SKIL: variants seen among roughly 807,000 people sequenced by gnomAD.
SKIL encodes ski-like protein.
In SKIL, 20 loss-of-function variants were observed where a neutral mutation model predicts 69.6. That is an observed-to-expected ratio of 0.29 (90% confidence interval 0.20 to 0.42). The LOEUF (loss-of-function observed/expected upper bound fraction) is 0.42. SKIL is among the 10% of genes least tolerant of loss of function. The probability of loss-of-function intolerance (pLI) is 1.00; values close to 1 mark genes in which losing one functional copy is unlikely to be tolerated. For missense variants in SKIL, 745 were observed against 783.1 expected, an observed-to-expected ratio of 0.95 and a Z score of 0.58; for synonymous variants, 310 against 279.9, an observed-to-expected ratio of 1.11 and a Z score of -1.08.
rs749615295 is a variant in SKIL at position 170,377,542 on chromosome 3, CTTTTTTT to C, written c.1099-3684_1099-3678del. Among the ~76,000 whole-genome samples the C allele has an allele frequency of 5.1e-3, 391 of 77,290 alleles. 2 individuals carry two copies. The highest frequency in any genetic ancestry group is 0.03 in the Admixed American group (158 of 5,348). 50.7% of individuals were successfully genotyped at this position (77,290 alleles called of 152,430 possible). The stretch of plus-strand genomic sequence containing the variant: ...ATTTCAAATTCATTGCTCAATAATT[CTTTTTTT>C]TTTTTTTTTTTTTTTTTGAGACAGA... On this transcript the variant is annotated intron_variant, in intron 2 of 6. Transcript: ENST00000259119.
chr3:170,388,264 A>G (rs1737748373), intron 4 of SKIL, among the ~76,000 whole-genome samples: 1 of 152,102 alleles, frequency 6.6e-6, no homozygotes, highest in Non-Finnish European at 1.5e-5. Flanking sequence ...GAATGATGAT[A>G]TTGAGTATCT....
intron 4 of SKIL, chr3:170,385,016 C>T (rs536248530): frequency 3.7e-5 from 10 of 267,286 alleles, no homozygotes; most frequent in South Asian, 9.2e-5. Flanking sequence ...TATTTTTGTC[C>T]GAATTTTTTT....
intron 3 of SKIL, among the ~76,000 whole-genome samples, chr3:170,382,711 A>C (rs1737420081): frequency 7.5e-6 from 1 of 133,030 alleles, no homozygotes; most frequent in East Asian, 2.3e-4. Context: ...CCCGAGCCGC[A>C]ACTTCAATTT....
rs376902100 is a variant in SKIL, at chr3:170,366,696, G to GACACAC, written c.1098+5281_1098+5286dup. 9.4e-3 allele frequency among the ~76,000 whole-genome samples: 1,393 copies of GACACAC among 147,672 alleles called. 21 individuals carry two copies. The highest frequency in any genetic ancestry group is 0.034 in the Middle Eastern group (10 of 290). On this transcript the variant is annotated intron_variant, in intron 2 of 6. Coordinates refer to ENST00000259119, the MANE Select transcript of SKIL (RefSeq NM_005414.5). ...AAACACACACACACACACACACACA[G>GACACAC]ACACACACACACACACACATACTTG...
chr3:170,389,009 A>C (rs935181032), intron 4 of SKIL, among the ~76,000 whole-genome samples: 10 of 152,002 alleles, frequency 6.6e-5, no homozygotes, highest in Admixed American at 5.9e-4. Flanking sequence ...AGCTGGGATT[A>C]CAGGTGCGCG....
At chr3:170,371,991 C>G (rs1263604269) in intron 2 of SKIL, among the ~76,000 whole-genome samples, 1 of 152,126 alleles carries the variant, frequency 6.6e-6, no homozygotes, top group East Asian at 1.9e-4. Flanking sequence ...AATTGTTAAG[C>G]ATATATGCTA....
chr3:170,388,787 A>AT (rs769210099), intron 4 of SKIL, among the ~76,000 whole-genome samples: 53 of 151,752 alleles, frequency 3.5e-4, no homozygotes, highest in Non-Finnish European at 6.5e-4. Flanking sequence ...CAATTTATCT[A>AT]TTTTTTTCTT....
chr3:170,370,010 C>T (rs1011738584), intron 2 of SKIL, among the ~76,000 whole-genome samples: 2 of 151,712 alleles, frequency 1.3e-5, no homozygotes, highest in Non-Finnish European at 2.9e-5. Flanking sequence ...GAGGCTGAGA[C>T]GGGCGGATCA....
At chr3:170,364,564 C>T (rs1736411646) in intron 2 of SKIL, among the ~76,000 whole-genome samples, 1 of 151,816 alleles carries the variant, frequency 6.6e-6, no homozygotes, top group East Asian at 1.9e-4. Flanking sequence ...TGAGGTGATC[C>T]GACCTCCTCG....
rs61023992 is a variant in SKIL at position 170,382,279 on chromosome 3, A to G, written c.1196+938A>G. On this transcript the variant is annotated intron_variant, in intron 3 of 6. Coordinates refer to ENST00000259119, the MANE Select transcript of SKIL (RefSeq NM_005414.5). ...CTGAATATTTGAAATAACCTTTACT[A>G]TGTGTTTCTATGTGTTTTCTAGAAA... Among the ~76,000 whole-genome samples, 367 of 152,162 alleles carry G rather than the reference A, an allele frequency of 2.4e-3. 2 individuals are homozygous for G. Among genetic ancestry groups the G allele is most frequent in the African/African-American group, 8.3e-3 (345 of 41,530 alleles).
intron 2 of SKIL, among the ~76,000 whole-genome samples, chr3:170,365,794 C>A (rs552944637): frequency 1.7e-3 from 234 of 135,716 alleles, no homozygotes; most frequent in African/African-American, 6.7e-3. Context: ...TTCGCTCTTG[C>A]GCCCAGGCTG....
chr3:170,364,876 GGT>G (rs1560207428), intron 2 of SKIL, among the ~76,000 whole-genome samples: 2 of 152,126 alleles, frequency 1.3e-5, no homozygotes, highest in East Asian at 1.9e-4. Context: ...ATTTTAGGAA[GGT>G]GTGAGTTTCT....
At chr3:170,382,413 A>ATTTTTTTTT in intron 3 of SKIL, among the ~76,000 whole-genome samples, 1 of 119,114 alleles carries the variant, frequency 8.4e-6, no homozygotes, top group Non-Finnish European at 1.8e-5. Context: ...TGCAACTTTG[A>ATTTTTTTTT]TTTTTTTTTT....
Position 170,361,539 on chromosome 3 carries a change from C to T in SKIL, c.1098+110C>T, listed in dbSNP as rs906230980. On this transcript the variant is annotated intron_variant, in intron 2 of 6. Coordinates refer to ENST00000259119, the MANE Select transcript of SKIL (RefSeq NM_005414.5). ...ATGTTGAACATTGCTCATGCAACAA[C>T]AACAAAATACCGATTGATATATTTG... is the stretch of plus-strand genomic sequence containing the variant. The T allele has an allele frequency of 6.1e-6, 5 of 825,908 alleles. No homozygotes were observed. In the African/African-American group the frequency reaches 8.6e-5, roughly 14 times the overall value. The allele number at this position is 825,908 out of a possible 1,614,324, so 51.2% of individuals were successfully genotyped here.
At chr3:170,387,234 C>G (rs1452913793) in intron 4 of SKIL, among the ~76,000 whole-genome samples, 2 of 152,088 alleles carry the variant, frequency 1.3e-5, no homozygotes, top group East Asian at 3.9e-4. Context: ...GTTAGTCAGG[C>G]TGATCTTGAA....
chr3:170,379,719 C>G (rs190800587), intron 2 of SKIL, among the ~76,000 whole-genome samples: 11 of 152,262 alleles, frequency 7.2e-5, no homozygotes, highest in African/African-American at 2.6e-4. Flanking sequence ...TCTTGGCTCA[C>G]TGCACCCTCC....
At chr3:170,389,107 A>G (rs1737786035) in intron 4 of SKIL, among the ~76,000 whole-genome samples, 1 of 151,942 alleles carries the variant, frequency 6.6e-6, no homozygotes, top group African/African-American at 2.4e-5. Context: ...TCCTGACCTC[A>G]GGTAATCCAC....
chr3:170,360,649 A>G lies in SKIL; in HGVS notation c.318A>G (p.Ala106=), dbSNP rs141522941. ...AGAGCTCGCTGGGTGGACCAGCAGC[A>G]TTTTCTGCTCGGCATTCCCAAGAAA... ...SSQSSLGGPA[A]FSARHSQESM... The change falls in exon 2 of 7, where the codon GCA becomes GCG. Residue 106 remains alanine, a synonymous_variant. Transcript: ENST00000259119. 1 of 1,614,084 alleles carries G rather than the reference A, an allele frequency of 6.2e-7. No individual in the cohort carries two copies. Among genetic ancestry groups the G allele is most frequent in the East Asian group, 2.2e-5 (1 of 44,900 alleles).
At chr3:170,378,896 A>C (rs1477486127) in intron 2 of SKIL, among the ~76,000 whole-genome samples, 1 of 150,460 alleles carries the variant, frequency 6.6e-6, no homozygotes, top group East Asian at 2.0e-4. Flanking sequence ...TTTTATCTTG[A>C]GATGGATTCT....
Sources: gnomAD v4.1 joint callset for allele counts (sites outside exome capture counted in the v4.1 genomes callset) on GRCh38, gnomAD v4.1.1 for gene constraint, MANE v1.5 for transcripts, NCBI Gene and HGNC (gene_info 2026-07-23, HGNC 2026-07-21) for gene names.